The following UNC13A variants were observed in gnomAD, a reference collection of about 807,000 sequenced individuals.
The protein encoded by UNC13A is unc-13 homolog A.
In UNC13A, 61 loss-of-function variants were observed where a neutral mutation model predicts 219.7. The observed-to-expected ratio is 0.28, with a 90% confidence interval of 0.23 to 0.34. The LOEUF is 0.34. UNC13A is among the 10% of genes least tolerant of loss of function. The pLI is 1.00. For synonymous variants in UNC13A, 920 were observed against 884.6 expected, an observed-to-expected ratio of 1.04 and a Z score of -0.71; for missense variants, 1,476 against 2,270.3, an observed-to-expected ratio of 0.65 and a Z score of 7.11.
intron 1 of UNC13A, among the ~76,000 whole-genome samples, chr19:17,683,591 G>A (rs1313986771): frequency 7.4e-4 from 112 of 151,114 alleles, no homozygotes; most frequent in African/African-American, 2.6e-3. Flanking sequence ...TTGGAAGGTG[G>A]AGGTTTCAGT....
At chr19:17,635,982 C>T (rs750261234) in intron 26 of UNC13A, 42 bp downstream of exon 26, 30 of 1,581,940 alleles carry the variant, frequency 1.9e-5, no homozygotes, top group Non-Finnish European at 2.2e-5. Flanking sequence ...TACATACACA[C>T]GATGACACCC....
intron 8 of UNC13A, 48 bp downstream of exon 8, chr19:17,663,484 C>T (rs374647772): frequency 1.0e-5 from 16 of 1,605,806 alleles, no homozygotes; most frequent in Middle Eastern, 1.7e-4. Flanking sequence ...ACCAAGGTGC[C>T]CACCTTCCCA....
At chr19:17,635,129 G>T (rs2076900062) in intron 26 of UNC13A, among the ~76,000 whole-genome samples, 1 of 152,212 alleles carries the variant, frequency 6.6e-6, no homozygotes, top group Non-Finnish European at 1.5e-5. Context: ...GCCTCCCAAA[G>T]TGCTGGGATT....
intron 43 of UNC13A, among the ~76,000 whole-genome samples, chr19:17,608,353 T>G (rs940060054): frequency 1.7e-5 from 2 of 116,976 alleles, no homozygotes; most frequent in Non-Finnish European, 3.4e-5. Flanking sequence ...ATTTTATATA[T>G]AATATAAATA....
At chr19:17,618,573 A>C in intron 39 of UNC13A, 72 bp from the exon 40 acceptor site, 31 of 1,456,776 alleles carry the variant, frequency 2.1e-5, no homozygotes, top group Non-Finnish European at 2.9e-5. Flanking sequence ...TATGGGTCTC[A>C]TCCCTGTTCA....
chr19:17,606,042 C>T lies in UNC13A; in HGVS notation c.*12G>A, dbSNP rs752671390. On this transcript the variant is annotated 3_prime_UTR_variant, in exon 44 of 44. Transcript: ENST00000519716. Reference sequence around the variant, plus strand: ...CCGCGCAGGCGCAGTGCCGCTCGGCCGACCGCCCGCGCTAAGGCGCAGGCG... The same window carrying T: ...CCGCGCAGGCGCAGTGCCGCTCGGCTGACCGCCCGCGCTAAGGCGCAGGCG... The T allele has an allele frequency of 5.3e-6, 8 of 1,497,966 alleles. No homozygotes were observed. The African/African-American group carries it at 7.3e-5, about 14-fold the overall frequency. 92.8% of individuals were successfully genotyped at this position (1,497,966 alleles called of 1,614,324 possible). A position where few individuals can be genotyped will look rare whatever the true frequency, so the allele number is the denominator to read the frequency against.
chr19:17,655,465 T>C, intron 10 of UNC13A, 83 bp from the exon 11 acceptor site: 1 of 1,091,366 alleles, frequency 9.2e-7, no homozygotes. Context: ...GTGCAAGTGA[T>C]GCATAGCTCC....
At chr19:17,638,097 C>T (rs2076930157) in intron 25 of UNC13A, among the ~76,000 whole-genome samples, 1 of 131,978 alleles carries the variant, frequency 7.6e-6, no homozygotes, top group Non-Finnish European at 1.6e-5. Context: ...GCCTCCAGCT[C>T]CCACAGCCTC....
Position 17,629,230 on chromosome 19 carries a change from C to T in UNC13A, c.3753+10G>A. 3.1e-6 allele frequency: 5 copies of T among 1,603,406 alleles called. No individual in the cohort carries two copies. The highest frequency in any genetic ancestry group is 4.3e-6 in the Non-Finnish European group (5 of 1,175,608). On this transcript the variant is annotated intron_variant, in intron 31 of 43. Transcript: ENST00000519716. ...AGGAGGGAGATAGGTCAGGGGCCCC[C>T]TCAGGTCACCACTTTCTCCTTCTCC...
intron 8 of UNC13A, among the ~76,000 whole-genome samples, chr19:17,661,624 G>A (rs1318302785): frequency 6.6e-6 from 1 of 152,030 alleles, no homozygotes; most frequent in Admixed American, 6.6e-5. Context: ...AACCCGGGAG[G>A]TGGAGGTTGC....
chr19:17,656,224 C>G lies in UNC13A; in HGVS notation c.942G>C (p.Ser314=), dbSNP rs150818554. 5 of 1,552,194 alleles carry G rather than the reference C, an allele frequency of 3.2e-6. No individual in the cohort carries two copies. Among genetic ancestry groups the G allele is most frequent in the Admixed American group, 2.0e-5 (1 of 51,000 alleles). The change falls in exon 10 of 44, where the codon TCG becomes TCC. Residue 314 remains serine, a synonymous_variant. Coordinates refer to ENST00000519716, the MANE Select transcript of UNC13A (RefSeq NM_001080421.3). ...CHSSVSYHKD[S]PRWDQDEEEL... is the part of the protein sequence containing the mutation. The stretch of plus-strand genomic sequence containing the variant: ...CTTCCTCATCCTGGTCCCAGCGAGG[C>G]GAGTCTTTGTGGTAGCTGACCGAGC...
chr19:17,645,920 G>T, intron 18 of UNC13A, 50 bp downstream of exon 18: 17 of 1,601,544 alleles, frequency 1.1e-5, no homozygotes, highest in Non-Finnish European at 1.4e-5. Context: ...TCTTTTGGCT[G>T]CCCCAGCAGG....
chr19:17,608,267 T>C (rs2076556481), intron 43 of UNC13A, among the ~76,000 whole-genome samples: 1 of 140,946 alleles, frequency 7.1e-6, no homozygotes, highest in African/African-American at 2.6e-5. Context: ...AAATATATAA[T>C]ATATATACTT....
At chr19:17,625,377 A>C (rs2076771835) in intron 34 of UNC13A, among the ~76,000 whole-genome samples, 1 of 152,102 alleles carries the variant, frequency 6.6e-6, no homozygotes, top group Non-Finnish European at 1.5e-5. Flanking sequence ...AGGAGGGCAG[A>C]CTTGAAAGGG....
In UNC13A at chr19:17,627,462, G is replaced by T. The variant is rs1444896607; in HGVS notation, c.3920+47C>A. On this transcript the variant is annotated intron_variant, in intron 33 of 43. Transcript: ENST00000519716. This position sits in a 1 kb window ranked among gnomAD's most constrained non-coding sequence, Gnocchi z 4.7. Reference sequence around the variant, plus strand: ...CCAGATGCCCCAGGCTTAGAGGGCTGAAGGCTGTTCCCTCCCCACTGCCCC... The same window carrying T: ...CCAGATGCCCCAGGCTTAGAGGGCTTAAGGCTGTTCCCTCCCCACTGCCCC... 6.9e-7 allele frequency: 1 copy of T among 1,457,800 alleles called. No individual in the cohort carries two copies. Among genetic ancestry groups the T allele is most frequent in the Non-Finnish European group, 9.4e-7 (1 of 1,061,712 alleles). 90.3% of individuals were successfully genotyped at this position (1,457,800 alleles called of 1,614,324 possible).
intron 1 of UNC13A, among the ~76,000 whole-genome samples, chr19:17,676,644 G>A (rs1462874571): frequency 6.6e-6 from 1 of 152,182 alleles, no homozygotes; most frequent in African/African-American, 2.4e-5. Context: ...AATGTCAAAT[G>A]CTCCCAGGGT....
At chr19:17,650,885 G>C (rs2145078659) in intron 12 of UNC13A, among the ~76,000 whole-genome samples, 1 of 150,690 alleles carries the variant, frequency 6.6e-6, no homozygotes, top group African/African-American at 2.4e-5. Flanking sequence ...TCCCACCTTA[G>C]CCTCCTGAGT....
At chr19:17,624,733 C>T (rs755869577) in intron 35 of UNC13A, 96 bp downstream of exon 35, 25 of 1,483,050 alleles carry the variant, frequency 1.7e-5, no homozygotes, top group Admixed American at 2.4e-5. Context: ...GACCGGATGC[C>T]TTTGTTCTTA....
chr19:17,654,378 T>C (rs998953863), intron 11 of UNC13A, among the ~76,000 whole-genome samples: 27 of 152,348 alleles, frequency 1.8e-4, no homozygotes, highest in African/African-American at 6.3e-4. Flanking sequence ...CTGTCTCATT[T>C]AGAACCATAT....
Sources: gnomAD v4.1 joint callset for allele counts (sites outside exome capture counted in the v4.1 genomes callset) on GRCh38, gnomAD v4.1.1 for gene constraint, Gnocchi (gnomAD v3.1) non-coding constraint, MANE v1.5 for transcripts, NCBI Gene and HGNC (gene_info 2026-07-23, HGNC 2026-07-21) for gene names.